Variants in MMP16 observed in about 807,000 individuals in gnomAD.
MMP16 encodes matrix metallopeptidase 16, also known as matrix metalloproteinase-16.
MMP16 carries 12 observed loss-of-function variants against 67.8 expected under a neutral mutation model. The observed-to-expected ratio is 0.18, with a 90% CI of 0.11 to 0.29. The LOEUF is 0.29. MMP16 is among the 10% of genes least tolerant of loss of function. MMP16 has a pLI of 1.00. For missense variants in MMP16, 475 were observed against 765.7 expected (o/e 0.62, Z 4.48); for synonymous variants, 249 against 255.9 (o/e 0.97, Z 0.26).
intron 1 of MMP16, among the ~76,000 whole-genome samples, chr8:88,325,922 T>G (rs1248770906): frequency 6.6e-6 from 1 of 152,212 alleles, no homozygotes. Flanking sequence ...GCATTTATTA[T>G]GCACACTCTG....
chr8:88,142,912 G>A lies in MMP16; in HGVS notation c.710-24051C>T, dbSNP rs1462094116. 2.0e-5 allele frequency among the ~76,000 whole-genome samples: 3 copies of A among 152,272 alleles called. No individual in the cohort carries two copies. The East Asian group carries it at 5.8e-4, about 29-fold the overall frequency. The stretch of plus-strand genomic sequence containing the variant: ...TCTATTGTCAATAGATGTGATATCA[G>A]CATTGAGAAAAATAGCAAGTCTTTA... On this transcript the variant is annotated intron_variant, in intron 4 of 9. Transcript: ENST00000286614.
intron 4 of MMP16, among the ~76,000 whole-genome samples, chr8:88,163,931 G>A (rs879270426): frequency 5.3e-5 from 8 of 152,018 alleles, no homozygotes; most frequent in Non-Finnish European, 1.2e-4. Context: ...TTGTATTAGG[G>A]TTGTGTATAT....
intron 3 of MMP16, among the ~76,000 whole-genome samples, chr8:88,186,119 A>G (rs960877286): frequency 6.6e-6 from 1 of 152,206 alleles, no homozygotes; most frequent in African/African-American, 2.4e-5. Context: ...ATTCAACAAC[A>G]TTCTGTTTAA....
intron 1 of MMP16, among the ~76,000 whole-genome samples, chr8:88,228,458 A>T (rs1809805502): frequency 6.6e-6 from 1 of 152,074 alleles, no homozygotes; most frequent in South Asian, 2.1e-4. Context: ...GCTTATGTGA[A>T]ATGTTAATGG....
chr8:88,304,994 A>G (rs917478192), intron 1 of MMP16, among the ~76,000 whole-genome samples: 4 of 152,222 alleles, frequency 2.6e-5, no homozygotes, highest in African/African-American at 9.6e-5. Context: ...ATTAAAAAAC[A>G]CAGAATGAAA....
chr8:88,052,391 T>A (rs945808522), intron 8 of MMP16, among the ~76,000 whole-genome samples: 1 of 152,174 alleles, frequency 6.6e-6, no homozygotes, highest in Non-Finnish European at 1.5e-5. Context: ...GTTATCATAC[T>A]CAAAATGTAT....
At chr8:88,192,659 A>G (rs1399013985) in intron 2 of MMP16, among the ~76,000 whole-genome samples, 1 of 152,216 alleles carries the variant, frequency 6.6e-6, no homozygotes, top group Non-Finnish European at 1.5e-5. Flanking sequence ...TCCCTTGGCA[A>G]TTTAGACAAA....
chr8:88,209,695 T>C (rs1809484348), intron 1 of MMP16, among the ~76,000 whole-genome samples: 1 of 136,362 alleles, frequency 7.3e-6, no homozygotes, highest in Non-Finnish European at 1.6e-5. Context: ...ATGTAACTCG[T>C]ATAAGTAGAT....
chr8:88,302,788 C>T (rs960726114), intron 1 of MMP16, among the ~76,000 whole-genome samples: 4 of 152,112 alleles, frequency 2.6e-5, no homozygotes, highest in South Asian at 4.1e-4. Flanking sequence ...AAGCAAGGGA[C>T]GAATTCAGCA....
At chr8:88,102,061 A>G (rs1809154005) in intron 6 of MMP16, among the ~76,000 whole-genome samples, 1 of 151,890 alleles carries the variant, frequency 6.6e-6, no homozygotes, top group Non-Finnish European at 1.5e-5. Context: ...TTCTGCTCTC[A>G]TATCAACACA....
At chr8:88,301,604 T>C (rs1303491794) in intron 1 of MMP16, among the ~76,000 whole-genome samples, 1 of 152,208 alleles carries the variant, frequency 6.6e-6, no homozygotes, top group Non-Finnish European at 1.5e-5. Flanking sequence ...ATTATGTGTA[T>C]ATAGTTAGAA....
chr8:88,140,122 C>T (rs1446564074), intron 4 of MMP16, among the ~76,000 whole-genome samples: 1 of 152,108 alleles, frequency 6.6e-6, no homozygotes, highest in Admixed American at 6.6e-5. Context: ...CTTCTCTAGA[C>T]TTGACTGAGG....
At chr8:88,149,017 G>A (rs2129640508) in intron 4 of MMP16, among the ~76,000 whole-genome samples, 1 of 152,344 alleles carries the variant, frequency 6.6e-6, no homozygotes, top group Admixed American at 6.5e-5. Context: ...CCGGGCGCGA[G>A]CCAAAGCAGG....
intron 1 of MMP16, among the ~76,000 whole-genome samples, chr8:88,284,686 C>T (rs1361339185): frequency 6.6e-6 from 1 of 152,142 alleles, no homozygotes; most frequent in Non-Finnish European, 1.5e-5. Flanking sequence ...ATTTACTCAC[C>T]ATGTACACAT....
intron 1 of MMP16, among the ~76,000 whole-genome samples, chr8:88,265,608 A>T (rs2129960449): frequency 6.6e-6 from 1 of 152,322 alleles, no homozygotes; most frequent in South Asian, 2.1e-4. Context: ...TTACATAGGA[A>T]ATAATCTGTG....
At chr8:88,295,613 G>C (rs995138255) in intron 1 of MMP16, among the ~76,000 whole-genome samples, 7 of 120,462 alleles carry the variant, frequency 5.8e-5, no homozygotes, top group Non-Finnish European at 1.2e-4. Flanking sequence ...GTTTCCAGAG[G>C]GGCTGATTTC....
chr8:88,249,193 G>T (rs183616404), intron 1 of MMP16, among the ~76,000 whole-genome samples: 2 of 151,998 alleles, frequency 1.3e-5, no homozygotes, highest in East Asian at 3.9e-4. Flanking sequence ...CCTGGTGGGG[G>T]TAGTGAGGAA....
At chr8:88,198,710 A>T (rs1016558696) in intron 1 of MMP16, among the ~76,000 whole-genome samples, 1 of 146,736 alleles carries the variant, frequency 6.8e-6, no homozygotes, top group Non-Finnish European at 1.5e-5. Context: ...CCTTGAAAAT[A>T]AAAAAAAAAC....
In MMP16 at chr8:88,074,594, A is replaced by C. The variant is rs181050336; in HGVS notation, c.1222+11T>G. 1.8e-4 allele frequency: 284 copies of C among 1,612,368 alleles called. 1 individual carries two copies. In the African/African-American group the frequency reaches 3.3e-3, roughly 19 times the overall value. On this transcript the variant is annotated intron_variant, in intron 7 of 9. Transcript: ENST00000286614. Reference sequence around the variant, plus strand: ...AAATACAACATAGCCAGATATGGAAAACATCCTTACCTTTAAAGAACACAA... The same window carrying C: ...AAATACAACATAGCCAGATATGGAACACATCCTTACCTTTAAAGAACACAA...
Sources: gnomAD v4.1 joint callset for allele counts (sites outside exome capture counted in the v4.1 genomes callset) on GRCh38, gnomAD v4.1.1 for gene constraint, MANE v1.5 for transcripts, NCBI Gene and HGNC (gene_info 2026-07-23, HGNC 2026-07-21) for gene names.